DEPTOR: variants seen among roughly 807,000 people sequenced by gnomAD.
DEPTOR encodes the protein DEP domain-containing mTOR-interacting protein.
DEPTOR carries 41 observed loss-of-function variants against 41.6 expected under a neutral mutation model. The ratio of observed to expected loss-of-function variants is 0.98; its 90% CI spans 0.77 to 1.28. DEPTOR has a LOEUF of 1.28. DEPTOR is among the 50% of genes most tolerant of loss of function. The pLI is 0.00. For synonymous variants in DEPTOR, 195 were observed against 192.3 expected (o/e 1.01, Z -0.12); for missense variants, 514 against 527.9 (o/e 0.97, Z 0.26).
intron 1 of DEPTOR, among the ~76,000 whole-genome samples, chr8:119,884,804 C>T (rs182582053): frequency 6.8e-6 from 1 of 147,034 alleles, no homozygotes; most frequent in Non-Finnish European, 1.5e-5. Flanking sequence ...ACCTCTGCTC[C>T]CAGGGTTCAA....
intron 1 of DEPTOR, among the ~76,000 whole-genome samples, chr8:119,918,938 A>AGTGTGTGTGTGTGTGTGT (rs751715374): frequency 1.5e-3 from 200 of 133,552 alleles, no homozygotes; most frequent in South Asian, 4.2e-3. Flanking sequence ...TTGCATAGTG[A>AGTGTGTGTGTGTGTGTGT]GTGTGTGTGT....
intron 7 of DEPTOR, among the ~76,000 whole-genome samples, chr8:120,007,575 T>C (rs1812463375): frequency 6.6e-6 from 1 of 152,138 alleles, no homozygotes; most frequent in South Asian, 2.1e-4. Flanking sequence ...TCTCCTTCTG[T>C]CAATCTCCTC....
intron 1 of DEPTOR, among the ~76,000 whole-genome samples, chr8:119,915,752 T>C (rs142246738): frequency 6.6e-5 from 10 of 152,296 alleles, no homozygotes; most frequent in Non-Finnish European, 1.2e-4. Flanking sequence ...GTTGATACCA[T>C]AGAAGAGATG....
In DEPTOR at chr8:119,979,140, CCTGA is replaced by C. The variant is rs575719472; in HGVS notation, c.604+13733_604+13736del. Among the ~76,000 whole-genome samples the C allele has an allele frequency of 2.8e-3, 432 of 152,188 alleles. 1 individual carries two copies. Among genetic ancestry groups the C allele is most frequent in the Non-Finnish European group, 4.3e-3 (292 of 68,024 alleles). On this transcript the variant is annotated intron_variant, in intron 4 of 8. Transcript: ENST00000286234. ...CTCACTTACACTCACATACATCTAT[CCTGA>C]CTATGATTGGAAAAATATGTGTGTT...
At chr8:119,952,762 T>C (rs1287048142) in intron 3 of DEPTOR, among the ~76,000 whole-genome samples, 5 of 152,204 alleles carry the variant, frequency 3.3e-5, no homozygotes, top group African/African-American at 1.2e-4. Flanking sequence ...AGTTTCAATT[T>C]CTTCAGGGAA....
chr8:120,006,787 A>G lies in DEPTOR; in HGVS notation c.926-18A>G. 1 of 1,613,206 alleles carries G rather than the reference A, an allele frequency of 6.2e-7. No homozygotes were observed. The highest frequency in any genetic ancestry group is 1.7e-5 in the Admixed American group (1 of 59,964). On this transcript the variant is annotated intron_variant, in intron 6 of 8. Transcript: ENST00000286234. ...GACTTGGAAGTGCTTATGTCTTGACATTGTGTTTGTCTGCCAGTGCTGAAG... is the reference window on the plus strand; with the variant it reads ...GACTTGGAAGTGCTTATGTCTTGACGTTGTGTTTGTCTGCCAGTGCTGAAG...
chr8:119,906,845 C>T (rs995280945), intron 1 of DEPTOR, among the ~76,000 whole-genome samples: 3 of 152,202 alleles, frequency 2.0e-5, no homozygotes, highest in African/African-American at 7.2e-5. Flanking sequence ...AAGACCCTCA[C>T]ATAATTTCTC....
chr8:119,885,860 A>T (rs114308523), intron 1 of DEPTOR, among the ~76,000 whole-genome samples: 2,833 of 151,984 alleles, frequency 0.019, 86 homozygotes, highest in African/African-American at 0.064. Flanking sequence ...CAATTAATTC[A>T]TCTTTTTTTG....
At chr8:119,965,542 T>A in intron 4 of DEPTOR, 132 bp downstream of exon 4, 1 of 1,186,538 alleles carries the variant, frequency 8.4e-7, no homozygotes, top group Non-Finnish European at 1.2e-6. Context: ...GTTCAGCTTG[T>A]CTCCAAGTTG....
intron 1 of DEPTOR, among the ~76,000 whole-genome samples, chr8:119,924,398 T>C (rs1219036724): frequency 6.6e-6 from 1 of 152,122 alleles, no homozygotes; most frequent in Non-Finnish European, 1.5e-5. Context: ...GAAAACTCAG[T>C]TATTTATGGT....
intron 8 of DEPTOR, among the ~76,000 whole-genome samples, chr8:120,032,709 C>A (rs1019161057): frequency 2.0e-5 from 3 of 152,162 alleles, no homozygotes. Context: ...AGCACCTCTG[C>A]GTCTACCTCT....
At chr8:120,010,233 CAAA>C (rs1812510325) in intron 8 of DEPTOR, among the ~76,000 whole-genome samples, 1 of 152,046 alleles carries the variant, frequency 6.6e-6, no homozygotes, top group African/African-American at 2.4e-5. Context: ...TGATAAAGTA[CAAA>C]GAGCTACACA....
chr8:119,892,556 C>T (rs1430885517), intron 1 of DEPTOR, among the ~76,000 whole-genome samples: 1 of 152,170 alleles, frequency 6.6e-6, no homozygotes, highest in African/African-American at 2.4e-5. Flanking sequence ...ACCTTTTGTA[C>T]TCATGTACTG....
At chr8:119,998,606 G>A (rs192541176) in intron 4 of DEPTOR, among the ~76,000 whole-genome samples, 5 of 152,180 alleles carry the variant, frequency 3.3e-5, no homozygotes, top group African/African-American at 1.2e-4. Flanking sequence ...GGCTTTTGGG[G>A]CCTGATGTAC....
At chr8:119,883,066 T>C (rs1023637411) in intron 1 of DEPTOR, among the ~76,000 whole-genome samples, 1 of 152,130 alleles carries the variant, frequency 6.6e-6, no homozygotes, top group Non-Finnish European at 1.5e-5. Context: ...AGGATCAACT[T>C]GAGCTATTTT....
At chr8:120,012,890 C>T (rs1812552034) in intron 8 of DEPTOR, among the ~76,000 whole-genome samples, 1 of 151,976 alleles carries the variant, frequency 6.6e-6, no homozygotes, top group Non-Finnish European at 1.5e-5. Context: ...GGCTCAGTGG[C>T]TCATGCCTGT....
At chr8:119,931,482 G>C (rs1828042772) in intron 3 of DEPTOR, among the ~76,000 whole-genome samples, 1 of 152,150 alleles carries the variant, frequency 6.6e-6, no homozygotes, top group African/African-American at 2.4e-5. Context: ...TTAGCTCAGG[G>C]TCTCTGGTGT....
intron 8 of DEPTOR, among the ~76,000 whole-genome samples, chr8:120,010,107 C>G (rs925277645): frequency 2.6e-5 from 4 of 152,058 alleles, no homozygotes; most frequent in African/African-American, 9.7e-5. Flanking sequence ...GTCCTGTTAG[C>G]TACTAGCTCG....
rs114469558 is a variant in DEPTOR, at chr8:119,929,280, G to A, written c.302-535G>A. Among the ~76,000 whole-genome samples the A allele has an allele frequency of 2.8e-3, 422 of 152,052 alleles. 1 individual carries two copies. Among genetic ancestry groups the A allele is most frequent in the African/African-American group, 9.5e-3 (394 of 41,476 alleles). Reference sequence around the variant, plus strand: ...TTCGCCTCATTTTTTGCCCAATTTCGATTCATTCTTCAGGTCTCCACTTAC... The same window carrying A: ...TTCGCCTCATTTTTTGCCCAATTTCAATTCATTCTTCAGGTCTCCACTTAC... On this transcript the variant is annotated intron_variant, in intron 2 of 8. Coordinates refer to ENST00000286234, the MANE Select transcript of DEPTOR (RefSeq NM_022783.4).
Sources: gnomAD v4.1 joint callset for allele counts (sites outside exome capture counted in the v4.1 genomes callset) on GRCh38, gnomAD v4.1.1 for gene constraint, MANE v1.5 for transcripts, NCBI Gene and HGNC (gene_info 2026-07-23, HGNC 2026-07-21) for gene names.